DNM2: variants seen among roughly 807,000 people sequenced by gnomAD.
DNM2 encodes the protein dynamin-2.
A neutral mutation model predicts 99.0 loss-of-function variants in DNM2; 15 were observed. The ratio of observed to expected loss-of-function variants is 0.15; its 90% CI spans 0.10 to 0.23. The LOEUF (loss-of-function observed/expected upper bound fraction) is 0.23, where lower values mean the gene tolerates loss of function less well. Among genes scored for constraint, DNM2 ranks in the 10% least tolerant of loss-of-function variants. The pLI, the probability that DNM2 is intolerant of heterozygous loss-of-function variation, is 1.00. For synonymous variants in DNM2, 525 were observed against 481.2 expected (o/e 1.09, Z -1.19); for missense variants, 742 against 1,189.4 (o/e 0.62, Z 5.53).
chr19:10,770,836 C>G (rs2070950849), intron 2 of DNM2, among the ~76,000 whole-genome samples: 2 of 152,170 alleles, frequency 1.3e-5, no homozygotes, highest in Non-Finnish European at 2.9e-5. Flanking sequence ...CCCACTGGGT[C>G]CCTGCTACAA....
At position 10,718,307 on chromosome 19, in the gene DNM2, C is replaced by G. The variant is rs2145637734; in HGVS notation, c.65C>G (p.Ser22Cys). Reference sequence around the variant, plus strand: ...AACAAACTGCAGGACGCCTTCAGCTCCATCGGCCAGAGCTGCCACCTGGAC... The same window carrying G: ...AACAAACTGCAGGACGCCTTCAGCTGCATCGGCCAGAGCTGCCACCTGGAC... ...LVNKLQDAFS[S>C]IGQSCHLDLP... Residue 22 changes from serine to cysteine, a missense_variant, in exon 1 of 21, where the codon TCC (serine) becomes TGC (cysteine). Transcript: ENST00000389253. 2.0e-6 allele frequency: 3 copies of G among 1,512,006 alleles called. No homozygotes were observed. Among genetic ancestry groups the G allele is most frequent in the Non-Finnish European group, 2.7e-6 (3 of 1,131,480 alleles). The allele number at this position is 1,512,006 out of a possible 1,614,324, so 93.7% of individuals were successfully genotyped here.
chr19:10,766,403 T>G (rs1314639497), intron 2 of DNM2, among the ~76,000 whole-genome samples: 1 of 151,920 alleles, frequency 6.6e-6, no homozygotes, highest in Admixed American at 6.6e-5. Flanking sequence ...AGGGGCTGCT[T>G]CTTCATGTCC....
At chr19:10,815,946 A>G (rs1255367024) in intron 15 of DNM2, among the ~76,000 whole-genome samples, 13 of 152,038 alleles carry the variant, frequency 8.6e-5, no homozygotes, top group Admixed American at 8.5e-4. Flanking sequence ...CCTCTTGGCT[A>G]TGGACCCCTG....
At chr19:10,813,049 G>C (rs2072607625) in intron 15 of DNM2, among the ~76,000 whole-genome samples, 1 of 152,222 alleles carries the variant, frequency 6.6e-6, no homozygotes, top group African/African-American at 2.4e-5. Context: ...AGGGGCACCG[G>C]GGTTCCATCA....
chr19:10,786,089 C>T (rs944221629), intron 6 of DNM2, among the ~76,000 whole-genome samples: 6 of 152,228 alleles, frequency 3.9e-5, no homozygotes, highest in Non-Finnish European at 8.8e-5. Flanking sequence ...TGTGTACCAC[C>T]ATGCCTGGCC....
chr19:10,830,073 C>G lies in DNM2; in HGVS notation c.2292-54C>G. 6.2e-7 allele frequency: 1 copy of G among 1,612,958 alleles called. No individual in the cohort carries two copies. The highest frequency in any genetic ancestry group is 2.2e-5 in the East Asian group (1 of 44,864). The stretch of plus-strand genomic sequence containing the variant: ...GGTTCTGGCAGCCACAGTGGCATGG[C>G]GGGGGCTCCTACTCCATCTGTATCT... On this transcript the variant is annotated intron_variant, in intron 19 of 20. Coordinates refer to ENST00000389253, the MANE Select transcript of DNM2 (RefSeq NM_001005361.3). The surrounding 1 kb of genome is among the most constrained non-coding windows in gnomAD (Gnocchi z 4.8).
rs114435703 is a variant in DNM2, at chr19:10,745,983, C to T, written c.162-13755C>T. ...TTTCTTTTTATTTCATTTTTTGAGA[C>T]GGAGTCTCACTCTGACCTATGCTGG... On this transcript the variant is annotated intron_variant, in intron 1 of 20. Coordinates refer to ENST00000389253, the MANE Select transcript of DNM2 (RefSeq NM_001005361.3). 4.7e-3 allele frequency among the ~76,000 whole-genome samples: 716 copies of T among 152,322 alleles called. 10 individuals are homozygous for T. The highest frequency in any genetic ancestry group is 0.016 in the African/African-American group (685 of 41,576).
intron 16 of DNM2, 174 bp from the exon 17 acceptor site, chr19:10,823,614 C>T (rs577330751): frequency 4.9e-5 from 31 of 626,752 alleles, no homozygotes; most frequent in African/African-American, 2.9e-4. Flanking sequence ...TTGTGCACAG[C>T]GCTCTTCTGT....
At chr19:10,806,782 G>A (rs950475132) in intron 13 of DNM2, among the ~76,000 whole-genome samples, 1 of 152,164 alleles carries the variant, frequency 6.6e-6, no homozygotes, top group Non-Finnish European at 1.5e-5. Flanking sequence ...GACAGGGCCA[G>A]ACTCTGTCTC....
intron 5 of DNM2, among the ~76,000 whole-genome samples, chr19:10,778,019 TTTTATTTATTTA>T (rs5827114): frequency 6.9e-4 from 95 of 138,238 alleles, no homozygotes; most frequent in South Asian, 1.2e-3. Flanking sequence ...TATTTTTTCA[TTTTATTTATTTA>T]TTTATTTATT....
intron 1 of DNM2, among the ~76,000 whole-genome samples, chr19:10,744,356 G>C (rs2145779327): frequency 6.6e-6 from 1 of 152,242 alleles, no homozygotes; most frequent in South Asian, 2.1e-4. Context: ...CGCTGTGGGG[G>C]TGGGACAAAG....
At position 10,795,323 on chromosome 19, in the gene DNM2, G is replaced by A; in HGVS notation, c.1129-49G>A. 1 of 1,605,578 alleles carries A rather than the reference G, an allele frequency of 6.2e-7. No homozygotes were observed. The highest frequency in any genetic ancestry group is 8.5e-7 in the Non-Finnish European group (1 of 1,172,556). Reference sequence around the variant, plus strand: ...GTTCCCCAGATGCACGCCTGCCACGGGGGCGCCCCGGGTGCCTCCATGCAT... The same window carrying A: ...GTTCCCCAGATGCACGCCTGCCACGAGGGCGCCCCGGGTGCCTCCATGCAT... On this transcript the variant is annotated intron_variant, in intron 8 of 20. Transcript: ENST00000389253. The surrounding 1 kb of genome is among the most constrained non-coding windows in gnomAD (Gnocchi z 4.2).
intron 1 of DNM2, among the ~76,000 whole-genome samples, chr19:10,731,439 AC>A (rs1241888999): frequency 7.1e-6 from 1 of 141,054 alleles, no homozygotes; most frequent in Non-Finnish European, 1.5e-5. Context: ...TGCAACCTCC[AC>A]CTCCTGGGTT....
At chr19:10,799,278 G>A (rs573916134) in intron 11 of DNM2, among the ~76,000 whole-genome samples, 19 of 152,056 alleles carry the variant, frequency 1.2e-4, no homozygotes, top group Non-Finnish European at 2.4e-4. Flanking sequence ...CCACCAGCCC[G>A]CTCCCTATCC....
At chr19:10,827,410 TAAA>T (rs1209082451) in intron 18 of DNM2, among the ~76,000 whole-genome samples, 1 of 151,868 alleles carries the variant, frequency 6.6e-6, no homozygotes, top group Non-Finnish European at 1.5e-5. Flanking sequence ...TCTTATAAAA[TAAA>T]AATATTTTAT....
At chr19:10,782,328 C>T (rs2071405364) in intron 5 of DNM2, among the ~76,000 whole-genome samples, 1 of 100,126 alleles carries the variant, frequency 1.0e-5, no homozygotes, top group Non-Finnish European at 2.2e-5. Context: ...GCCACCGCAC[C>T]TGGCCTTGAG....
rs2072942639 is a variant in DNM2 at position 10,820,668 on chromosome 19, C to G, written c.1781+579C>G. On this transcript the variant is annotated intron_variant, in intron 16 of 20. Transcript: ENST00000389253. This position sits in a 1 kb window ranked among gnomAD's most constrained non-coding sequence, Gnocchi z 4.3. ...AGCGGCAGGTAGGCCTGGAGACAGC[C>G]AAGAGCTCCATTTAGGCCATGCCAA... 6.6e-6 allele frequency among the ~76,000 whole-genome samples: 1 copy of G among 152,212 alleles called. No individual in the cohort carries two copies. Among genetic ancestry groups the G allele is most frequent in the Non-Finnish European group, 1.5e-5 (1 of 68,022 alleles).
chr19:10,785,518 C>T (rs1280893729), intron 6 of DNM2, among the ~76,000 whole-genome samples: 1 of 152,178 alleles, frequency 6.6e-6, no homozygotes, highest in Non-Finnish European at 1.5e-5. Context: ...GCATCCTCAG[C>T]CTCCTGTACT....
chr19:10,787,699 G>C (rs1410376316), intron 7 of DNM2, among the ~76,000 whole-genome samples: 3 of 148,542 alleles, frequency 2.0e-5, no homozygotes, highest in Non-Finnish European at 4.4e-5. Flanking sequence ...AGCTTGCAGT[G>C]AGCTGAGATC....
Sources: allele counts gnomAD v4.1 joint callset (sites outside exome capture counted in the v4.1 genomes callset), GRCh38; gene constraint gnomAD v4.1.1; non-coding constraint Gnocchi (gnomAD v3.1); transcripts MANE v1.5; gene names NCBI Gene and HGNC (gene_info 2026-07-23, HGNC 2026-07-21).